SUGCT: variants seen among roughly 807,000 people sequenced by gnomAD.
SUGCT encodes the protein succinyl-CoA:glutarate CoA-transferase.
A neutral mutation model predicts 55.0 loss-of-function variants in SUGCT; 41 were observed. That is an observed-to-expected ratio of 0.74 (90% CI 0.58 to 0.97). The LOEUF (loss-of-function observed/expected upper bound fraction) is 0.97, where lower values mean the gene tolerates loss of function less well. Among genes scored for constraint, SUGCT ranks in the 50% least tolerant of loss-of-function variants. The pLI is 0.00. For missense variants in SUGCT, 568 were observed against 547.8 expected (o/e 1.04, Z -0.37); for synonymous variants, 187 against 200.4 (o/e 0.93, Z 0.56).
chr7:40,668,049 C>T (rs374909441), intron 12 of SUGCT, among the ~76,000 whole-genome samples: 108 of 152,244 alleles, frequency 7.1e-4, no homozygotes, highest in African/African-American at 2.4e-3. Flanking sequence ...TATTTAATCA[C>T]AGTTTCAGTG....
intron 12 of SUGCT, among the ~76,000 whole-genome samples, chr7:40,696,434 C>G (rs1465732499): frequency 6.6e-6 from 1 of 152,146 alleles, no homozygotes; most frequent in African/African-American, 2.4e-5. Flanking sequence ...TAGACTATGC[C>G]AGTCTCCAAG....
chr7:40,625,048 C>T (rs1442686788), intron 12 of SUGCT, among the ~76,000 whole-genome samples: 3 of 152,088 alleles, frequency 2.0e-5, no homozygotes, highest in Middle Eastern at 3.2e-3. Flanking sequence ...TCACTCTGTC[C>T]TTTGAGATTG....
At chr7:40,170,324 A>G (rs1784611036) in intron 1 of SUGCT, among the ~76,000 whole-genome samples, 1 of 152,202 alleles carries the variant, frequency 6.6e-6, no homozygotes, top group Admixed American at 6.5e-5. Flanking sequence ...ATGTCAGATC[A>G]AAGGATTGTC....
intron 12 of SUGCT, among the ~76,000 whole-genome samples, chr7:40,568,522 C>T (rs982008812): frequency 2.0e-5 from 3 of 152,182 alleles, no homozygotes; most frequent in Non-Finnish European, 4.4e-5. Flanking sequence ...CTCCTCAGCT[C>T]CCAGAGATTG....
intron 13 of SUGCT, among the ~76,000 whole-genome samples, chr7:40,803,706 A>G (rs894535787): frequency 6.6e-6 from 1 of 152,222 alleles, no homozygotes; most frequent in Admixed American, 6.5e-5. Flanking sequence ...TGATCATGCA[A>G]CTAGACACAA....
the SUGCT span, among the ~76,000 whole-genome samples, chr7:40,918,707 G>T: frequency 3.4e-3 from 525 of 152,206 alleles, 3 homozygotes; most frequent in African/African-American, 0.012. Context: ...AGGGGAGAGA[G>T]AATGTATTCC....
chr7:40,141,914 T>A lies in SUGCT; in HGVS notation c.100+6794T>A, dbSNP rs937970569. The A allele has an allele frequency of 1.2e-5, 4 of 327,128 alleles. No homozygotes were observed. The Admixed American group carries it at 1.3e-4, about 10-fold the overall frequency. 20.3% of individuals were successfully genotyped at this position (327,128 alleles called of 1,614,324 possible). On this transcript the variant is annotated intron_variant, in intron 1 of 13. Coordinates refer to ENST00000335693, the MANE Select transcript of SUGCT (RefSeq NM_001193313.2). ...GACAAGGGAGGGGAAGGGGTTCTTA[T>A]CCCTGATGCACGTGGCCCCGCTGCT... is the stretch of plus-strand genomic sequence containing the variant.
At chr7:40,900,154 T>C in the SUGCT span, among the ~76,000 whole-genome samples, 1 of 152,252 alleles carries the variant, frequency 6.6e-6, no homozygotes, top group Non-Finnish European at 1.5e-5. Flanking sequence ...TGGCTCATAC[T>C]TTTCCTTAAG....
At chr7:40,705,389 A>G (rs887839279) in intron 12 of SUGCT, among the ~76,000 whole-genome samples, 4 of 152,204 alleles carry the variant, frequency 2.6e-5, no homozygotes, top group Non-Finnish European at 5.9e-5. Context: ...CTGTTCCATT[A>G]CCACAAAGAT....
At chr7:40,953,560 GT>G in the SUGCT span, among the ~76,000 whole-genome samples, 4 of 152,226 alleles carry the variant, frequency 2.6e-5, no homozygotes, top group East Asian at 5.8e-4. Flanking sequence ...TTTCTGCTCT[GT>G]TTTTTCCCCA....
intron 12 of SUGCT, among the ~76,000 whole-genome samples, chr7:40,713,236 G>T (rs1785822585): frequency 6.6e-6 from 1 of 152,102 alleles, no homozygotes. Flanking sequence ...GGTGGAGACT[G>T]CTGCAGGCTG....
chr7:40,205,208 T>C (rs764969426), intron 6 of SUGCT, among the ~76,000 whole-genome samples: 38 of 151,854 alleles, frequency 2.5e-4, no homozygotes, highest in Non-Finnish European at 4.9e-4. Context: ...TGAGCCGAGA[T>C]TGCACCACTG....
At chr7:40,955,909 C>A in the SUGCT span, among the ~76,000 whole-genome samples, 52 of 152,100 alleles carry the variant, frequency 3.4e-4, no homozygotes, top group African/African-American at 1.3e-3. Flanking sequence ...GTCATTGATT[C>A]TGTTTATGTG....
intron 12 of SUGCT, among the ~76,000 whole-genome samples, chr7:40,598,669 T>G (rs557756061): frequency 3.3e-5 from 5 of 152,252 alleles, no homozygotes; most frequent in African/African-American, 1.2e-4. Context: ...GGGACAAACA[T>G]CTGTTTGGAT....
chr7:40,788,811 G>GGCTA (rs1343378132), intron 13 of SUGCT, among the ~76,000 whole-genome samples: 1 of 152,180 alleles, frequency 6.6e-6, no homozygotes, highest in East Asian at 1.9e-4. Flanking sequence ...TTCAGTCCAG[G>GGCTA]GCTAGGCACA....
chr7:40,474,857 C>T (rs1446281516), intron 11 of SUGCT, among the ~76,000 whole-genome samples: 1 of 152,112 alleles, frequency 6.6e-6, no homozygotes, highest in Non-Finnish European at 1.5e-5. Flanking sequence ...ATAGTAATTC[C>T]TACCTTTAAA....
At chr7:40,193,160 C>G (rs1786022223) in intron 5 of SUGCT, among the ~76,000 whole-genome samples, 1 of 150,826 alleles carries the variant, frequency 6.6e-6, no homozygotes, top group Non-Finnish European at 1.5e-5. Context: ...AGAGACGAAG[C>G]CTTGGTATGT....
Position 40,729,750 on chromosome 7 carries a change from C to T in SUGCT, c.1090-19684C>T, listed in dbSNP as rs117077747. Among the ~76,000 whole-genome samples, 319 of 152,248 alleles carry T rather than the reference C, an allele frequency of 2.1e-3. 13 individuals carry two copies. The East Asian group carries it at 0.055, about 26-fold the overall frequency. On this transcript the variant is annotated intron_variant, in intron 12 of 13. Coordinates refer to ENST00000335693, the MANE Select transcript of SUGCT (RefSeq NM_001193313.2). ...AAATGAAATCAGTGAGTGAATCATA[C>T]TGGGTAACCAGCAGAGAGAGTGGTG... is the stretch of plus-strand genomic sequence containing the variant.
At chr7:40,720,523 C>T (rs1786271196) in intron 12 of SUGCT, among the ~76,000 whole-genome samples, 1 of 152,066 alleles carries the variant, frequency 6.6e-6, no homozygotes, top group Admixed American at 6.5e-5. Context: ...TATGGAATCT[C>T]TGTTCACTCC....
Sources: gnomAD v4.1 joint callset for allele counts (sites outside exome capture counted in the v4.1 genomes callset) on GRCh38, gnomAD v4.1.1 for gene constraint, MANE v1.5 for transcripts, NCBI Gene and HGNC (gene_info 2026-07-23, HGNC 2026-07-21) for gene names.